Variants in MCF2L observed in about 807,000 individuals in gnomAD.
MCF2L encodes the protein MCF.2 cell line derived transforming sequence like.
Under a neutral mutation model 153.4 loss-of-function variants are expected in MCF2L, and 97 were observed. That is an observed-to-expected ratio of 0.63 (90% CI 0.54 to 0.75). The LOEUF is 0.75. MCF2L is among the 30% of genes least tolerant of loss of function. The pLI, the probability that MCF2L is intolerant of heterozygous loss-of-function variation, is 0.00. For synonymous variants in MCF2L, 659 were observed against 632.2 expected, an observed-to-expected ratio of 1.04 and a Z score of -0.64; for missense variants, 1,347 against 1,495.2, an observed-to-expected ratio of 0.90 and a Z score of 1.64.
In MCF2L at chr13:113,035,836, C is replaced by T. The variant is rs1219923387; in HGVS notation, c.279-9435C>T. Among the ~76,000 whole-genome samples the T allele has an allele frequency of 6.6e-6, 1 of 152,210 alleles. No homozygotes were observed. The highest frequency in any genetic ancestry group is 1.5e-5 in the Non-Finnish European group (1 of 68,044). ...ACCCTGGATATGTCATTCACTTCTG[C>T]GTTCCTCAGTTTCTGCACGTTTAAA... On this transcript the variant is annotated intron_variant, in intron 3 of 29. Coordinates refer to ENST00000535094, the MANE Select transcript of MCF2L (RefSeq NM_001112732.3). This position sits in a 1 kb window ranked among gnomAD's most constrained non-coding sequence, Gnocchi z 4.4.
intron 2 of MCF2L, among the ~76,000 whole-genome samples, chr13:113,020,811 G>A (rs1400785157): frequency 1.3e-5 from 2 of 151,770 alleles, no homozygotes; most frequent in African/African-American, 4.8e-5. Flanking sequence ...TGTATGTATA[G>A]TGTGTGCGCG....
intron 1 of MCF2L, among the ~76,000 whole-genome samples, chr13:112,973,784 G>A (rs928706046): frequency 1.3e-5 from 2 of 152,234 alleles, no homozygotes; most frequent in African/African-American, 4.8e-5. Context: ...GGCTCCAGGG[G>A]CTGGCGCTGA....
At chr13:113,018,601 G>A in intron 2 of MCF2L, among the ~76,000 whole-genome samples, 1 of 152,198 alleles carries the variant, frequency 6.6e-6, no homozygotes, top group East Asian at 1.9e-4. Flanking sequence ...AGGCCCCGAG[G>A]AGGTCGTGGT....
upstream of MCF2L, chr13:112,968,324 T>C (rs2081932201): frequency 4.3e-5 from 49 of 1,149,776 alleles, no homozygotes; most frequent in Non-Finnish European, 5.6e-5. Flanking sequence ...AGCTGCGGTT[T>C]TGGGCGAGGA....
intron 1 of MCF2L, among the ~76,000 whole-genome samples, chr13:112,995,546 C>T (rs540669431): frequency 1.1e-4 from 16 of 152,238 alleles, no homozygotes; most frequent in East Asian, 5.8e-4. Context: ...AGCTGGCGGC[C>T]GAGGTGGGGT....
intron 2 of MCF2L, among the ~76,000 whole-genome samples, chr13:112,926,099 A>T (rs182098255): frequency 1.1e-3 from 173 of 152,332 alleles, no homozygotes; most frequent in Admixed American, 9.3e-3. Context: ...TAAACAGAAC[A>T]TGGTCCGTAT....
intron 1 of MCF2L, among the ~76,000 whole-genome samples, chr13:112,901,008 C>T (rs1003189259): frequency 3.9e-5 from 6 of 152,092 alleles, no homozygotes; most frequent in Non-Finnish European, 7.4e-5. Context: ...GGGAGGCAGG[C>T]GGCCCCTTCC....
rs115119446 is a variant in MCF2L, at chr13:113,059,362, G to A, written c.370-1231G>A. On this transcript the variant is annotated intron_variant, in intron 4 of 29. Transcript: ENST00000535094. ...AGCCTGAACATTGGAGTGTGGCTGG[G>A]GCAGTGCCCAGGCAGGACATCCTGG... Among the ~76,000 whole-genome samples the A allele has an allele frequency of 3.5e-4, 53 of 152,324 alleles. 1 individual carries two copies. The highest frequency in any genetic ancestry group is 1.2e-3 in the African/African-American group (48 of 41,570).
chr13:112,936,006 A>G (rs1222755672), intron 2 of MCF2L, among the ~76,000 whole-genome samples: 5 of 152,132 alleles, frequency 3.3e-5, no homozygotes, highest in Non-Finnish European at 7.3e-5. Flanking sequence ...TTGGCTGGGC[A>G]TGTTGGCTCT....
chr13:113,015,357 C>T (rs2084438673), intron 2 of MCF2L, among the ~76,000 whole-genome samples: 1 of 152,204 alleles, frequency 6.6e-6, no homozygotes, highest in South Asian at 2.1e-4. Context: ...ATGTAGATGC[C>T]GTTCTTATGT....
At chr13:113,011,643 GGCAGT>G (rs2084117862) in intron 1 of MCF2L, among the ~76,000 whole-genome samples, 3 of 106,236 alleles carry the variant, frequency 2.8e-5, no homozygotes, top group East Asian at 5.5e-4. Flanking sequence ...ACGGTGGACA[GGCAGT>G]GTGGACGGTG....
chr13:112,999,042 G>C (rs1052640710), intron 1 of MCF2L, among the ~76,000 whole-genome samples: 1 of 152,214 alleles, frequency 6.6e-6, no homozygotes, highest in African/African-American at 2.4e-5. Flanking sequence ...TTCGGGCCAC[G>C]TGTTCCGGCC....
At chr13:112,961,888 C>G (rs1233086793) in intron 2 of MCF2L, among the ~76,000 whole-genome samples, 1 of 152,210 alleles carries the variant, frequency 6.6e-6, no homozygotes, top group African/African-American at 2.4e-5. Flanking sequence ...CACTCATTCA[C>G]CCTCACTCCC....
At chr13:113,066,322 G>A in intron 8 of MCF2L, 152 bp downstream of exon 8, 1 of 897,482 alleles carries the variant, frequency 1.1e-6, no homozygotes, top group Non-Finnish European at 1.6e-6. Flanking sequence ...ACAGCAGCCG[G>A]CCTCCGAGCC....
rs553371721 is a variant in MCF2L, at chr13:112,970,493, G to A, written c.79+1035G>A. On this transcript the variant is annotated intron_variant, in intron 1 of 29. Coordinates refer to ENST00000535094, the MANE Select transcript of MCF2L (RefSeq NM_001112732.3). ...AAGAAAACAAAACCATTTTCATGCCGTCTGCTCCCTGATTCTTAGAGAATC... is the reference window on the plus strand; with the variant it reads ...AAGAAAACAAAACCATTTTCATGCCATCTGCTCCCTGATTCTTAGAGAATC... 4.1e-4 allele frequency among the ~76,000 whole-genome samples: 63 copies of A among 152,250 alleles called. 1 individual carries two copies. The South Asian group carries it at 8.1e-3, about 20-fold the overall frequency.
At chr13:112,988,767 C>A (rs1410231465) in intron 1 of MCF2L, among the ~76,000 whole-genome samples, 7 of 134,952 alleles carry the variant, frequency 5.2e-5, no homozygotes, top group African/African-American at 1.7e-4. Flanking sequence ...GGGGATGGAG[C>A]TACCATGCCC....
At chr13:112,971,484 T>G (rs530283914) in intron 1 of MCF2L, among the ~76,000 whole-genome samples, 3 of 152,300 alleles carry the variant, frequency 2.0e-5, no homozygotes, top group African/African-American at 7.2e-5. Context: ...GCGGCTGGCC[T>G]TAGAGCAGCT....
chr13:112,988,383 A>AGGGCCC (rs1177690659), intron 1 of MCF2L, among the ~76,000 whole-genome samples: 1 of 152,162 alleles, frequency 6.6e-6, no homozygotes, highest in African/African-American at 2.4e-5. Context: ...TGTGGGGAGC[A>AGGGCCC]GGGCCCGGGC....
intron 1 of MCF2L, among the ~76,000 whole-genome samples, chr13:113,001,057 G>C (rs899300094): frequency 1.2e-4 from 18 of 152,212 alleles, no homozygotes; most frequent in Non-Finnish European, 2.5e-4. Flanking sequence ...TTGGGAGCTC[G>C]TCAGGGACAG....
Sources: gnomAD v4.1 joint callset for allele counts (sites outside exome capture counted in the v4.1 genomes callset) on GRCh38, gnomAD v4.1.1 for gene constraint, Gnocchi (gnomAD v3.1) non-coding constraint, MANE v1.5 for transcripts, NCBI Gene and HGNC (gene_info 2026-07-23, HGNC 2026-07-21) for gene names.